Variants in SPNS3 observed in about 807,000 individuals in gnomAD.
The protein encoded by SPNS3 is SPNS lysolipid transporter 3, sphingosine-1-phosphate (putative).
Under a neutral mutation model 54.4 loss-of-function variants are expected in SPNS3, and 51 were observed. That is an observed-to-expected ratio of 0.94 (90% CI 0.75 to 1.18). The LOEUF is 1.18. Among genes scored for constraint, SPNS3 ranks in the 50% most tolerant of loss-of-function variants. The pLI is 0.00. For synonymous variants in SPNS3, 309 were observed against 294.7 expected, an observed-to-expected ratio of 1.05 and a Z score of -0.50; for missense variants, 669 against 677.4, an observed-to-expected ratio of 0.99 and a Z score of 0.14.
chr17:4,451,339 C>A (rs1971159594), intron 7 of SPNS3, among the ~76,000 whole-genome samples: 1 of 151,598 alleles, frequency 6.6e-6, no homozygotes, highest in Non-Finnish European at 1.5e-5. Context: ...GCAACCTCGG[C>A]CTCCCGGGTT....
chr17:4,486,427 C>G lies in SPNS3; in HGVS notation c.1294C>G (p.Arg432Gly). ...TCCTCCGCAGATCTCTAGTGTCCTG[C>G]GGGCCAGGCGCCCTGACTCCTATCT... ...YLTGLISSVLRARRPDSYLQR... is the reference protein window; with the variant it reads ...YLTGLISSVLGARRPDSYLQR... The change falls in exon 11 of 12, where the codon CGG (arginine) becomes GGG (glycine). Residue 432 changes from arginine to glycine, a missense_variant. By Grantham distance (125) the Arg-to-Gly change is moderately radical. Transcript: ENST00000355530. The surrounding 1 kb of genome is among the most constrained non-coding windows in gnomAD (Gnocchi z 5.5). The G allele has an allele frequency of 6.2e-7, 1 of 1,607,824 alleles. No individual in the cohort carries two copies. The highest frequency in any genetic ancestry group is 8.5e-7 in the Non-Finnish European group (1 of 1,176,264).
chr17:4,448,244 G>A lies in SPNS3; in HGVS notation c.711G>A (p.Glu237=), dbSNP rs541963025. 41 of 1,599,234 alleles carry A rather than the reference G, an allele frequency of 2.6e-5. No individual in the cohort carries two copies. In the South Asian group the frequency reaches 3.8e-4, roughly 15 times the overall value. The change falls in exon 6 of 12, where the codon GAG becomes GAA. Residue 237 remains glutamate (E), a synonymous_variant. Transcript: ENST00000355530. Reference sequence around the variant, plus strand: ...GGGGAGCTGCCGAGACACAGGGGGAGGGGGCCGTGGGAGGCTTCAGGAGCA... The same window carrying A: ...GGGGAGCTGCCGAGACACAGGGGGAAGGGGCCGTGGGAGGCTTCAGGAGCA... ...PPRGAAETQG[E]GAVGGFRSSW... is the part of the protein sequence containing the mutation.
At chr17:4,451,502 C>G (rs996209227) in intron 7 of SPNS3, among the ~76,000 whole-genome samples, 1 of 152,118 alleles carries the variant, frequency 6.6e-6, no homozygotes, top group African/African-American at 2.4e-5. Flanking sequence ...CAAGCTACAT[C>G]GGTCAGCGTG....
chr17:4,463,991 C>T (rs1037547671), intron 8 of SPNS3, among the ~76,000 whole-genome samples: 8 of 152,308 alleles, frequency 5.3e-5, no homozygotes, highest in Middle Eastern at 3.4e-3. Flanking sequence ...TAGCTTTTCT[C>T]CTGCTACTTT....
chr17:4,451,851 T>C lies in SPNS3; in HGVS notation c.924-1165T>C, dbSNP rs531921939. Among the ~76,000 whole-genome samples the C allele has an allele frequency of 4.0e-5, 6 of 151,614 alleles. No homozygotes were observed. The East Asian group carries it at 1.2e-3, about 30-fold the overall frequency. On this transcript the variant is annotated intron_variant, in intron 7 of 11. Coordinates refer to ENST00000355530, the MANE Select transcript of SPNS3 (RefSeq NM_182538.5). The stretch of plus-strand genomic sequence containing the variant: ...TCCCAGCTAATTTTTGTATTTTTTT[T>C]TTTTTTTAGTAGAGACGGGGTTTTG...
intron 8 of SPNS3, among the ~76,000 whole-genome samples, chr17:4,454,362 C>A (rs1222257652): frequency 6.6e-6 from 1 of 152,268 alleles, no homozygotes; most frequent in Non-Finnish European, 1.5e-5. Flanking sequence ...GACCTCTCCT[C>A]CTTTCCCAGC....
At chr17:4,463,939 G>A (rs906359893) in intron 8 of SPNS3, among the ~76,000 whole-genome samples, 3 of 152,196 alleles carry the variant, frequency 2.0e-5, no homozygotes, top group African/African-American at 7.2e-5. Context: ...AGATAACTGC[G>A]TGGGACGTGC....
chr17:4,458,537 T>C (rs1971385306), intron 8 of SPNS3, among the ~76,000 whole-genome samples: 2 of 86,476 alleles, frequency 2.3e-5, no homozygotes, highest in African/African-American at 5.7e-5. Flanking sequence ...CCTTCCTTCC[T>C]TCCTTCCTTT....
intron 8 of SPNS3, among the ~76,000 whole-genome samples, chr17:4,461,728 A>G (rs1216711667): frequency 6.6e-6 from 1 of 152,116 alleles, no homozygotes; most frequent in Non-Finnish European, 1.5e-5. Flanking sequence ...ATGAAAGAAG[A>G]GTCAGAGGTG....
intron 8 of SPNS3, among the ~76,000 whole-genome samples, chr17:4,469,620 C>CA (rs551056606): frequency 0.44 from 29,143 of 66,438 alleles, 6,370 homozygotes; most frequent in African/African-American, 0.61. Context: ...GACTCCATCT[C>CA]AAAAAAAAAA....
Position 4,486,334 on chromosome 17 carries a change from G to T in SPNS3, c.1278+8G>T, listed in dbSNP as rs142135743. On this transcript the variant is annotated splice_region_variant and intron_variant, in intron 10 of 11. Coordinates refer to ENST00000355530, the MANE Select transcript of SPNS3 (RefSeq NM_182538.5). This position sits in a 1 kb window ranked among gnomAD's most constrained non-coding sequence, Gnocchi z 5.5. ...CCCTATCTCACAGGACTTGTAAGACGTGTCTGCGTGTGTGGGGTGGGGAGG... is the reference window on the plus strand; with the variant it reads ...CCCTATCTCACAGGACTTGTAAGACTTGTCTGCGTGTGTGGGGTGGGGAGG... 2 of 1,600,160 alleles carry T rather than the reference G, an allele frequency of 1.2e-6. No individual in the cohort carries two copies. Among genetic ancestry groups the T allele is most frequent in the South Asian group, 2.2e-5 (2 of 89,364 alleles).
intron 2 of SPNS3, among the ~76,000 whole-genome samples, chr17:4,441,536 A>G (rs1351575166): frequency 6.6e-6 from 1 of 152,176 alleles, no homozygotes; most frequent in African/African-American, 2.4e-5. Context: ...CAACACCCAC[A>G]ACCTTCTCGA....
At chr17:4,464,269 G>A (rs769563960) in intron 8 of SPNS3, among the ~76,000 whole-genome samples, 7 of 152,164 alleles carry the variant, frequency 4.6e-5, no homozygotes, top group Admixed American at 2.6e-4. Flanking sequence ...GTCCAGACAC[G>A]CACACAGCAG....
At chr17:4,451,399 A>G (rs1015067692) in intron 7 of SPNS3, among the ~76,000 whole-genome samples, 2 of 151,086 alleles carry the variant, frequency 1.3e-5, no homozygotes, top group African/African-American at 2.4e-5. Flanking sequence ...CTACAGGCGC[A>G]CACCACCACG....
intron 9 of SPNS3, among the ~76,000 whole-genome samples, chr17:4,485,558 G>A (rs764415294): frequency 3.3e-5 from 5 of 151,918 alleles, no homozygotes; most frequent in East Asian, 1.9e-4. Flanking sequence ...CCACCACGCC[G>A]GCTAGTTTTT....
intron 8 of SPNS3, among the ~76,000 whole-genome samples, chr17:4,470,586 C>T (rs1266185581): frequency 5.3e-5 from 8 of 152,134 alleles, no homozygotes; most frequent in Admixed American, 1.3e-4. Flanking sequence ...TATTAGCAGT[C>T]ACCCCCATTT....
intron 1 of SPNS3, 108 bp from the exon 2 acceptor site, chr17:4,439,550 C>CCTGTG (rs1326307895): frequency 2.1e-6 from 2 of 932,764 alleles, no homozygotes. Context: ...GGTGCCATGC[C>CCTGTG]CTGTGCTGTG....
rs145081082 is a variant in SPNS3 at position 4,465,172 on chromosome 17, C to A, written c.1113+11967C>A. On this transcript the variant is annotated intron_variant, in intron 8 of 11. Coordinates refer to ENST00000355530, the MANE Select transcript of SPNS3 (RefSeq NM_182538.5). ...GGATCATCAAAGGGGTGGGGCCTGC[C>A]TGGCAGTCGATTCAGCTGTTGACTG... Among the ~76,000 whole-genome samples, 923 of 152,244 alleles carry A rather than the reference C, an allele frequency of 6.1e-3. 8 individuals are homozygous for A. The highest frequency in any genetic ancestry group is 0.02 in the African/African-American group (851 of 41,548).
At chr17:4,465,630 T>G (rs1206624127) in intron 8 of SPNS3, among the ~76,000 whole-genome samples, 3 of 151,956 alleles carry the variant, frequency 2.0e-5, no homozygotes, top group African/African-American at 7.3e-5. Context: ...GGAAGGCTGA[T>G]GGGGGAGAAT....
Sources: allele counts gnomAD v4.1 joint callset (sites outside exome capture counted in the v4.1 genomes callset), GRCh38; gene constraint gnomAD v4.1.1; non-coding constraint Gnocchi (gnomAD v3.1); transcripts MANE v1.5; gene names NCBI Gene and HGNC (gene_info 2026-07-23, HGNC 2026-07-21).